PHF14: variants seen among roughly 807,000 people sequenced by gnomAD.
PHF14 encodes PHD finger protein 14.
In PHF14, 55 loss-of-function variants were observed where a neutral mutation model predicts 117.9. That is an observed-to-expected ratio of 0.47 (90% CI 0.38 to 0.58). The LOEUF (loss-of-function observed/expected upper bound fraction) is 0.58. Ranked by LOEUF, PHF14 falls within the 20% of genes least tolerant of loss-of-function variation. The pLI, the probability that PHF14 is intolerant of heterozygous loss-of-function variation, is 0.00. For synonymous variants in PHF14, 409 were observed against 368.6 expected (o/e 1.11, Z -1.26); for missense variants, 978 against 1,122.2 (o/e 0.87, Z 1.84).
At chr7:11,061,727 A>T in intron 14 of PHF14, 64 bp from the exon 15 acceptor site, 1 of 1,186,764 alleles carries the variant, frequency 8.4e-7, no homozygotes, top group Non-Finnish European at 1.1e-6. Context: ...TATATTTATT[A>T]TTAATTAAAC....
intron 17 of PHF14, among the ~76,000 whole-genome samples, chr7:11,151,724 T>A (rs1357487188): frequency 6.6e-6 from 1 of 152,116 alleles, no homozygotes; most frequent in Non-Finnish European, 1.5e-5. Flanking sequence ...TGGCCCTAGC[T>A]CTGTAGAGGC....
intron 13 of PHF14, among the ~76,000 whole-genome samples, chr7:11,049,657 T>A (rs1298833146): frequency 6.6e-6 from 1 of 152,162 alleles, no homozygotes; most frequent in East Asian, 1.9e-4. Context: ...GGCTGTTGCA[T>A]TTATTATTAG....
chr7:11,107,104 C>T lies in PHF14; in HGVS notation c.2655-4246C>T, dbSNP rs1409632067. ...TTTAAAAAGTAGTTGTAGTTTACTC[C>T]TCTAATGAAATTAGAGATGTTAAAC... On this transcript the variant is annotated intron_variant, in intron 16 of 17. Transcript: ENST00000634607. The T allele has an allele frequency of 1.0e-5, 10 of 982,568 alleles. No individual in the cohort carries two copies. The African/African-American group carries it at 1.8e-4, about 17-fold the overall frequency. 60.9% of individuals were successfully genotyped at this position (982,568 alleles called of 1,614,324 possible). A position where few individuals can be genotyped will look rare whatever the true frequency, so the allele number is the denominator to read the frequency against.
At position 11,046,234 on chromosome 7, in the gene PHF14, T is replaced by C. The variant is rs1291439851; in HGVS notation, c.2312+3420T>C. Among the ~76,000 whole-genome samples, 3 of 152,182 alleles carry C rather than the reference T, an allele frequency of 2.0e-5. No homozygotes were observed. The East Asian group carries it at 5.8e-4, about 29-fold the overall frequency. On this transcript the variant is annotated intron_variant, in intron 13 of 17. Transcript: ENST00000634607. ...ACACTGCCTTAAATTCTAAGACACATTTGGTAGGATACAAATGGTAAGGGC... is the reference window on the plus strand; with the variant it reads ...ACACTGCCTTAAATTCTAAGACACACTTGGTAGGATACAAATGGTAAGGGC...
At chr7:11,041,652 A>G (rs1168367309) in intron 12 of PHF14, among the ~76,000 whole-genome samples, 1 of 151,936 alleles carries the variant, frequency 6.6e-6, no homozygotes, top group Non-Finnish European at 1.5e-5. Flanking sequence ...AAAAGCCTAC[A>G]TTGTCTTAGT....
chr7:11,100,308 G>A (rs1309359259), intron 16 of PHF14, among the ~76,000 whole-genome samples: 4 of 151,832 alleles, frequency 2.6e-5, no homozygotes, highest in Non-Finnish European at 5.9e-5. Context: ...TTTTGGCCTG[G>A]GAATTATAGT....
chr7:10,976,113 C>G (rs191646907), intron 2 of PHF14, among the ~76,000 whole-genome samples: 1 of 152,324 alleles, frequency 6.6e-6, no homozygotes, highest in East Asian at 1.9e-4. Flanking sequence ...ATGGATTTGA[C>G]TTCAGAATTT....
At chr7:10,974,746 G>A (rs1781804121) in intron 1 of PHF14, 89 bp from the exon 2 acceptor site, 2 of 706,148 alleles carry the variant, frequency 2.8e-6, no homozygotes. Context: ...TTCCTTGTGC[G>A]AGGTCATCTT....
At chr7:11,126,792 T>A (rs1484673095) in intron 17 of PHF14, among the ~76,000 whole-genome samples, 10 of 150,408 alleles carry the variant, frequency 6.6e-5, no homozygotes, top group Admixed American at 5.3e-4. Context: ...AAAAAAAAGC[T>A]ACAGTCTGAA....
chr7:11,031,307 T>C (rs1425691360), intron 7 of PHF14, among the ~76,000 whole-genome samples: 2 of 152,192 alleles, frequency 1.3e-5, no homozygotes, highest in African/African-American at 4.8e-5. Flanking sequence ...CTTTATCTCA[T>C]TGGTGAGAAT....
chr7:11,145,689 ATGCTT>A (rs1373846273), intron 17 of PHF14, among the ~76,000 whole-genome samples: 1 of 152,064 alleles, frequency 6.6e-6, no homozygotes, highest in Non-Finnish European at 1.5e-5. Flanking sequence ...TCAAATAACT[ATGCTT>A]TGTTTGTACC....
chr7:11,062,697 T>C, intron 16 of PHF14: 1 of 985,156 alleles, frequency 1.0e-6, no homozygotes, highest in Non-Finnish European at 1.2e-6. Flanking sequence ...AAATCTTAGC[T>C]GATGCTGCAC....
At chr7:11,151,927 C>A (rs1788712691) in intron 17 of PHF14, among the ~76,000 whole-genome samples, 1 of 152,134 alleles carries the variant, frequency 6.6e-6, no homozygotes. Context: ...TTCCAATATA[C>A]ATTTTTCCTC....
At chr7:11,080,531 C>T (rs537321842) in intron 16 of PHF14, among the ~76,000 whole-genome samples, 3 of 152,112 alleles carry the variant, frequency 2.0e-5, no homozygotes, top group Non-Finnish European at 4.4e-5. Flanking sequence ...TTATGGAACT[C>T]TGCAGGTATA....
chr7:11,061,150 A>G (rs1327686262), intron 14 of PHF14: 1 of 152,218 alleles, frequency 6.6e-6, no homozygotes, highest in African/African-American at 2.4e-5. Flanking sequence ...ATACTAATGT[A>G]GTTACAGTTC....
intron 1 of PHF14, among the ~76,000 whole-genome samples, chr7:10,974,601 C>G (rs1294901654): frequency 2.0e-5 from 3 of 152,172 alleles, no homozygotes; most frequent in Non-Finnish European, 4.4e-5. Flanking sequence ...TTTAGCTGGT[C>G]TGAGTTGGCG....
At chr7:10,985,579 A>C (rs1414448232) in intron 3 of PHF14, among the ~76,000 whole-genome samples, 1 of 145,542 alleles carries the variant, frequency 6.9e-6, no homozygotes, top group African/African-American at 2.5e-5. Flanking sequence ...ACATATGCTT[A>C]ATGGCCTTAA....
chr7:11,122,089 C>T (rs1330937021), intron 17 of PHF14, among the ~76,000 whole-genome samples: 4 of 151,462 alleles, frequency 2.6e-5, no homozygotes, highest in African/African-American at 9.7e-5. Flanking sequence ...TCCACTCTCA[C>T]TTATGAGTGA....
At chr7:11,006,462 T>G in intron 4 of PHF14, 1 of 538,406 alleles carries the variant, frequency 1.9e-6, no homozygotes, top group Non-Finnish European at 3.7e-6. Context: ...GTCGAACATA[T>G]GCCTTCTTTT....
Sources: allele counts gnomAD v4.1 joint callset (sites outside exome capture counted in the v4.1 genomes callset), GRCh38; gene constraint gnomAD v4.1.1; transcripts MANE v1.5; gene names NCBI Gene and HGNC (gene_info 2026-07-23, HGNC 2026-07-21).